The following ZNF454 variants were observed in gnomAD, a reference collection of about 807,000 sequenced individuals.
ZNF454 encodes the protein zinc finger protein 454.
ZNF454 carries 30 observed loss-of-function variants against 48.2 expected under a neutral mutation model. That is an observed-to-expected ratio of 0.62 (90% CI 0.47 to 0.84). The LOEUF (loss-of-function observed/expected upper bound fraction) is 0.84. Ranked by LOEUF, ZNF454 falls within the 40% of genes least tolerant of loss-of-function variation. ZNF454 has a pLI of 0.00. For synonymous variants in ZNF454, 204 were observed against 211.4 expected (o/e 0.97, Z 0.30); for missense variants, 510 against 623.1 (o/e 0.82, Z 1.93).
chr5:178,972,527 A>C, the ZNF454 span, among the ~76,000 whole-genome samples: 1 of 152,132 alleles, frequency 6.6e-6, no homozygotes, highest in Non-Finnish European at 1.5e-5. Context: ...CTGGAGCCTA[A>C]GGAGGTGAGG....
the ZNF454 span, chr5:178,986,387 G>C: frequency 6.2e-7 from 1 of 1,614,012 alleles, no homozygotes; most frequent in Non-Finnish European, 8.5e-7. Context: ...ACGTAGCTGA[G>C]CTCTCGGCCC....
chr5:178,971,647 G>A, the ZNF454 span, among the ~76,000 whole-genome samples: 594 of 150,858 alleles, frequency 3.9e-3, 6 homozygotes, highest in African/African-American at 0.014. Context: ...AGGAGATTGA[G>A]ACCATCCTGA....
the ZNF454 span, chr5:178,987,218 A>T: frequency 3.0e-6 from 2 of 665,318 alleles, no homozygotes; most frequent in Non-Finnish European, 5.5e-6. Flanking sequence ...ACCCTTGTGC[A>T]CGGTGGGTGG....
At chr5:178,980,622 T>C in the ZNF454 span, 24 of 153,544 alleles carry the variant, frequency 1.6e-4, no homozygotes, top group African/African-American at 5.8e-4. The surrounding 1 kb of genome is among the most constrained non-coding windows in gnomAD (Gnocchi z 4.3). Context: ...GTTTGGGGGT[T>C]TTTTTGGTGT....
Position 178,957,755 on chromosome 5 carries a change from A to T in ZNF454, c.251-6900A>T, listed in dbSNP as rs1322529370. 3.9e-5 allele frequency among the ~76,000 whole-genome samples: 6 copies of T among 152,294 alleles called. No individual in the cohort carries two copies. The East Asian group carries it at 5.8e-4, about 15-fold the overall frequency. ...AGAGTGCTCTTTTGTACTGCAGGCT[A>T]AATCAGTGCCAGTAAGACCAGTCTT... On this transcript the variant is annotated intron_variant, in intron 4 of 4. Transcript: ENST00000519564.
At chr5:178,986,465 T>C in the ZNF454 span, 1 of 1,612,626 alleles carries the variant, frequency 6.2e-7, no homozygotes. Context: ...GTGGCCACGA[T>C]GCCCAGCACG....
At chr5:178,959,660 C>T (rs569959888) in intron 4 of ZNF454, among the ~76,000 whole-genome samples, 1 of 152,136 alleles carries the variant, frequency 6.6e-6, no homozygotes, top group African/African-American at 2.4e-5. Flanking sequence ...GGCTGGAGTG[C>T]AGTGGCACAA....
chr5:178,968,421 G>A (rs1187862601), downstream of ZNF454, among the ~76,000 whole-genome samples: 8 of 152,156 alleles, frequency 5.3e-5, no homozygotes, highest in Non-Finnish European at 7.4e-5. Flanking sequence ...GAAGCTTCCA[G>A]CAGCTTCAAA....
the ZNF454 span, chr5:178,981,871 G>A: frequency 1.4e-6 from 2 of 1,467,744 alleles, no homozygotes; most frequent in Non-Finnish European, 1.9e-6. The surrounding 1 kb of genome is among the most constrained non-coding windows in gnomAD (Gnocchi z 5.1). Context: ...CATGGAAGAG[G>A]GGACCAGATG....
chr5:178,985,575 C>G, the ZNF454 span: 83 of 339,040 alleles, frequency 2.4e-4, no homozygotes, highest in South Asian at 1.2e-3. Flanking sequence ...TGGTGGCGGG[C>G]GCCTGTAGTC....
At chr5:178,981,780 T>C in the ZNF454 span, 1 of 1,612,936 alleles carries the variant, frequency 6.2e-7, no homozygotes, top group Non-Finnish European at 8.5e-7. This position sits in a 1 kb window ranked among gnomAD's most constrained non-coding sequence, Gnocchi z 5.1. Flanking sequence ...AGGTTTTGGG[T>C]ACGTAGAGCA....
the ZNF454 span, chr5:178,985,563 C>G: frequency 3.0e-6 from 1 of 337,574 alleles, no homozygotes; most frequent in Non-Finnish European, 5.8e-6. Context: ...ATTAGCCGGG[C>G]GTGGTGGCGG....
chr5:178,989,356 G>C, the ZNF454 span: 1 of 1,613,948 alleles, frequency 6.2e-7, no homozygotes, highest in Non-Finnish European at 8.5e-7. Context: ...CGAACCAGAT[G>C]TTCCTGCGGT....
the ZNF454 span, among the ~76,000 whole-genome samples, chr5:178,988,472 T>G: frequency 1.5e-4 from 23 of 152,310 alleles, no homozygotes; most frequent in African/African-American, 5.3e-4. The surrounding 1 kb of genome is among the most constrained non-coding windows in gnomAD (Gnocchi z 6.0). Context: ...GACACAGTTT[T>G]GAGCCCTGAC....
At chr5:178,989,215 T>TCCCCCCCCCCCCCCCCCCCCCCCCC in the ZNF454 span, 1 of 886,720 alleles carries the variant, frequency 1.1e-6, no homozygotes, top group Non-Finnish European at 1.6e-6. Context: ...CTCCCCACCC[T>TCCCCCCCCCCCCCCCCCCCCCCCCC]CACCACCCTC....
chr5:178,952,652 G>A (rs1203348326), intron 4 of ZNF454, among the ~76,000 whole-genome samples: 1 of 152,116 alleles, frequency 6.6e-6, no homozygotes, highest in Non-Finnish European at 1.5e-5. Flanking sequence ...TGATCCATGA[G>A]GGAAGGACTT....
the ZNF454 span, among the ~76,000 whole-genome samples, chr5:178,984,196 T>G: frequency 2.4e-4 from 37 of 151,304 alleles, no homozygotes; most frequent in South Asian, 7.3e-3. Flanking sequence ...AAAAAGTTGC[T>G]CATGAGAAAC....
chr5:178,986,581 C>G, the ZNF454 span: 4 of 1,606,798 alleles, frequency 2.5e-6, no homozygotes, highest in Non-Finnish European at 3.4e-6. Flanking sequence ...GTCCCCAGGA[C>G]AGGCCTCGCA....
chr5:178,965,429 G>A lies in ZNF454; in HGVS notation c.1025G>A (p.Ser342Asn). The A allele has an allele frequency of 6.2e-7, 1 of 1,613,922 alleles. No individual in the cohort carries two copies. The highest frequency in any genetic ancestry group is 8.5e-7 in the Non-Finnish European group (1 of 1,179,982). The change falls in exon 5 of 5, where the codon AGT (serine) becomes AAT (asparagine). Residue 342 changes from serine to asparagine, a missense_variant. Coordinates refer to ENST00000519564, the MANE Select transcript of ZNF454 (RefSeq NM_001178089.3). The surrounding 1 kb of genome is among the most constrained non-coding windows in gnomAD (Gnocchi z 5.2). ...GGAAAAGCCTTTAATCAGAGTACAA[G>A]TTTCCTTCAGCATCAGAGAATTCAC... ...ECGKAFNQST[S>N]FLQHQRIHTG...
Sources: gnomAD v4.1 joint callset for allele counts (sites outside exome capture counted in the v4.1 genomes callset) on GRCh38, gnomAD v4.1.1 for gene constraint, Gnocchi (gnomAD v3.1) non-coding constraint, MANE v1.5 for transcripts, NCBI Gene and HGNC (gene_info 2026-07-23, HGNC 2026-07-21) for gene names.